ZNF678: variants seen among roughly 807,000 people sequenced by gnomAD.
ZNF678 encodes zinc finger protein 678.
Under a neutral mutation model 3.0 loss-of-function variants are expected in ZNF678, and 5 were observed. That is an observed-to-expected ratio of 1.69 (90% CI 0.88 to 3.56). ZNF678 has a LOEUF of 3.56. Ranked by LOEUF, ZNF678 falls within the 30% of genes most tolerant of loss-of-function variation. ZNF678 has a pLI of 0.00. For synonymous variants in ZNF678, 218 were observed against 199.6 expected (o/e 1.09, Z -0.78); for missense variants, 593 against 605.0 (o/e 0.98, Z 0.21).
At chr1:227,617,529 C>T (rs1658170754) in intron 1 of ZNF678, among the ~76,000 whole-genome samples, 1 of 152,182 alleles carries the variant, frequency 6.6e-6, no homozygotes, top group Non-Finnish European at 1.5e-5. Context: ...AGTTGCAGCA[C>T]TACAACCCCT....
In ZNF678 at chr1:227,580,940, T is replaced by A. The variant is rs547249509; in HGVS notation, c.-164+17216T>A. ...ACTCCCTCTCAAAAAAAAAAAAAAA[T>A]TTTACCACAGAAAATTGATAAATTA... is the stretch of plus-strand genomic sequence containing the variant. On this transcript the variant is annotated intron_variant, in intron 1 of 3. Transcript: ENST00000343776. Among the ~76,000 whole-genome samples, 583 of 151,090 alleles carry A rather than the reference T, an allele frequency of 3.9e-3. 5 individuals carry two copies. Among genetic ancestry groups the A allele is most frequent in the African/African-American group, 0.012 (495 of 41,140 alleles).
chr1:227,620,757 G>A (rs1210258648), intron 1 of ZNF678, among the ~76,000 whole-genome samples: 1 of 152,184 alleles, frequency 6.6e-6, no homozygotes, highest in African/African-American at 2.4e-5. Context: ...TTGGGCTGTA[G>A]GGTATGAGTA....
chr1:227,654,205 G>A (rs1659155641), intron 3 of ZNF678, 131 bp from the exon 4 acceptor site: 2 of 744,130 alleles, frequency 2.7e-6, no homozygotes, highest in Non-Finnish European at 3.9e-6. Context: ...GTTCAAAAAG[G>A]AATCATGGCA....
chr1:227,669,776 GTGGAAAGCAGTT>G (rs1659569986), intron 5 of ZNF678, among the ~76,000 whole-genome samples: 1 of 152,196 alleles, frequency 6.6e-6, no homozygotes, highest in Non-Finnish European at 1.5e-5. Flanking sequence ...TTCAGCCACT[GTGGAAAGCAGTT>G]TGGAGATTTC....
At chr1:227,580,923 TC>T (rs1275054689) in intron 1 of ZNF678, among the ~76,000 whole-genome samples, 7 of 134,448 alleles carry the variant, frequency 5.2e-5, no homozygotes, top group Non-Finnish European at 9.4e-5. Flanking sequence ...AAACTCCCTC[TC>T]AAAAAAAAAA....
At chr1:227,677,554 G>A (rs1659704616), downstream of ZNF678, 1 of 152,204 alleles carries the variant, frequency 6.6e-6, no homozygotes. Context: ...AGAGCAGAAG[G>A]TCAAAATGGA....
chr1:227,601,501 T>C (rs928586533), intron 1 of ZNF678, among the ~76,000 whole-genome samples: 3 of 151,606 alleles, frequency 2.0e-5, no homozygotes, highest in African/African-American at 7.2e-5. Flanking sequence ...CTTTTTCTTG[T>C]GACAATTGTG....
At position 227,622,833 on chromosome 1, in the gene ZNF678, T is replaced by G. The variant is rs1419740334; in HGVS notation, c.-163-23711T>G. 3.3e-5 allele frequency among the ~76,000 whole-genome samples: 5 copies of G among 152,330 alleles called. No homozygotes were observed. The East Asian group carries it at 9.6e-4, about 29-fold the overall frequency. On this transcript the variant is annotated intron_variant, in intron 1 of 3. Transcript: ENST00000343776. Reference sequence around the variant, plus strand: ...GGAGCCCCCAGCCATCAGTCATCTCTTTAGCATACAAAAGACATTTGTCAC... The same window carrying G: ...GGAGCCCCCAGCCATCAGTCATCTCGTTAGCATACAAAAGACATTTGTCAC...
chr1:227,598,400 AG>A (rs1458673413), intron 1 of ZNF678: 1 of 1,433,614 alleles, frequency 7.0e-7, no homozygotes, highest in African/African-American at 1.5e-5. Flanking sequence ...TTTCTTTATA[AG>A]GGAATCCTGA....
At chr1:227,642,613 C>A (rs1263688240) in intron 1 of ZNF678, among the ~76,000 whole-genome samples, 1 of 152,072 alleles carries the variant, frequency 6.6e-6, no homozygotes, top group Admixed American at 6.6e-5. Flanking sequence ...TTCCTGGCCT[C>A]ATAGGAATAC....
intron 1 of ZNF678, among the ~76,000 whole-genome samples, chr1:227,637,839 A>G (rs891163636): frequency 6.6e-6 from 1 of 152,084 alleles, no homozygotes; most frequent in African/African-American, 2.4e-5. Flanking sequence ...TGGAGGAGGG[A>G]TGTGCGGTCA....
chr1:227,564,958 A>T (rs1382684874), intron 1 of ZNF678, among the ~76,000 whole-genome samples: 1 of 147,906 alleles, frequency 6.8e-6, no homozygotes, highest in Non-Finnish European at 1.5e-5. Context: ...CTGGTCTCCA[A>T]CTCCTGACCT....
chr1:227,575,666 G>A (rs1297470623), intron 1 of ZNF678, among the ~76,000 whole-genome samples: 1 of 152,062 alleles, frequency 6.6e-6, no homozygotes, highest in East Asian at 1.9e-4. Context: ...GATTTGTTAA[G>A]TATAAGATCA....
intron 1 of ZNF678, among the ~76,000 whole-genome samples, chr1:227,572,831 A>G (rs1006265044): frequency 6.6e-6 from 1 of 152,188 alleles, no homozygotes; most frequent in African/African-American, 2.4e-5. Context: ...CTGGCAACAG[A>G]GGACATTTCC....
chr1:227,635,484 C>G (rs1658651706), intron 1 of ZNF678, among the ~76,000 whole-genome samples: 1 of 150,504 alleles, frequency 6.6e-6, no homozygotes, highest in Non-Finnish European at 1.5e-5. Flanking sequence ...AGATGACCTC[C>G]CCAGTTACCA....
Position 227,654,656 on chromosome 1 carries a change from C to G in ZNF678, c.406C>G (p.Arg136Gly), listed in dbSNP as rs17854208. The change falls in exon 4 of 4, where the codon CGA (arginine) becomes GGA (glycine). Residue 136 changes from arginine to glycine, a missense_variant. Coordinates refer to ENST00000343776, the MANE Select transcript of ZNF678 (RefSeq NM_001367909.1). ...TGAAGAATGTGGCAAAGTTTTCAAT[C>G]GATGTTCAAACCTAACAAAACATAA... ...KCEECGKVFNRCSNLTKHKRI... is the reference protein window; with the variant it reads ...KCEECGKVFNGCSNLTKHKRI... 6.2e-7 allele frequency: 1 copy of G among 1,612,390 alleles called. No homozygotes were observed. The highest frequency in any genetic ancestry group is 1.3e-5 in the African/African-American group (1 of 74,710).
chr1:227,669,996 A>G (rs1659573778), intron 5 of ZNF678, among the ~76,000 whole-genome samples: 1 of 152,228 alleles, frequency 6.6e-6, no homozygotes, highest in Admixed American at 6.5e-5. Context: ...GTACATTTAC[A>G]CCATGGAATA....
chr1:227,574,282 C>T (rs1179385322), intron 1 of ZNF678, among the ~76,000 whole-genome samples: 4 of 152,222 alleles, frequency 2.6e-5, no homozygotes, highest in African/African-American at 9.6e-5. Flanking sequence ...AATTTACACT[C>T]CCACCAACAG....
At chr1:227,631,729 G>A (rs1306851276) in intron 1 of ZNF678, among the ~76,000 whole-genome samples, 20 of 152,330 alleles carry the variant, frequency 1.3e-4, no homozygotes, top group Non-Finnish European at 2.4e-4. Context: ...AGGAGAAAAA[G>A]ATGGGCTTGC....
Sources: gnomAD v4.1 joint callset for allele counts (sites outside exome capture counted in the v4.1 genomes callset) on GRCh38, gnomAD v4.1.1 for gene constraint, MANE v1.5 for transcripts, NCBI Gene and HGNC (gene_info 2026-07-23, HGNC 2026-07-21) for gene names.